The following ZNF804A variants were observed in gnomAD, a reference collection of about 807,000 sequenced individuals.
The protein encoded by ZNF804A is zinc finger protein 804A.
In ZNF804A, 2 loss-of-function variants were observed where a neutral mutation model predicts 16.5. The observed-to-expected ratio is 0.12, with a 90% CI of 0.05 to 0.38. The LOEUF (loss-of-function observed/expected upper bound fraction) is 0.38, where lower values mean the gene tolerates loss of function less well. ZNF804A is among the 10% of genes least tolerant of loss of function. The pLI is 0.99. For missense variants in ZNF804A, 1,473 were observed against 1,390.7 expected, an observed-to-expected ratio of 1.06 and a Z score of -0.94; for synonymous variants, 534 against 489.6, an observed-to-expected ratio of 1.09 and a Z score of -1.20.
At chr2:184,662,579 G>A (rs1309901877) in intron 1 of ZNF804A, among the ~76,000 whole-genome samples, 1 of 152,046 alleles carries the variant, frequency 6.6e-6, no homozygotes, top group Non-Finnish European at 1.5e-5. Flanking sequence ...TTTTAATTCA[G>A]GAAAATATTA....
chr2:184,878,338 G>A (rs182388149), intron 2 of ZNF804A, among the ~76,000 whole-genome samples: 77 of 152,102 alleles, frequency 5.1e-4, no homozygotes, highest in African/African-American at 1.8e-3. Context: ...CACAAAGCTC[G>A]GTTTGAGTCA....
chr2:184,619,741 A>G (rs916201787), intron 1 of ZNF804A, among the ~76,000 whole-genome samples: 1 of 151,888 alleles, frequency 6.6e-6, no homozygotes, highest in Non-Finnish European at 1.5e-5. Context: ...TTAGGTTGTG[A>G]TCTCATCACA....
At chr2:184,726,286 G>C (rs988568418) in intron 1 of ZNF804A, among the ~76,000 whole-genome samples, 1 of 151,472 alleles carries the variant, frequency 6.6e-6, no homozygotes, top group Non-Finnish European at 1.5e-5. Context: ...TTCAGCATTT[G>C]GTATTGTCAC....
intron 1 of ZNF804A, among the ~76,000 whole-genome samples, chr2:184,781,983 C>T (rs1003994300): frequency 2.6e-4 from 40 of 151,706 alleles, no homozygotes; most frequent in African/African-American, 9.4e-4. Context: ...ATGGCCATTT[C>T]TTCTTGTATC....
intron 1 of ZNF804A, among the ~76,000 whole-genome samples, chr2:184,694,944 G>T (rs1376113185): frequency 6.6e-6 from 1 of 152,086 alleles, no homozygotes; most frequent in Non-Finnish European, 1.5e-5. Flanking sequence ...CTATAAAGTT[G>T]GCCCCATCTT....
At chr2:184,838,206 T>C (rs1695383809) in intron 1 of ZNF804A, among the ~76,000 whole-genome samples, 1 of 152,082 alleles carries the variant, frequency 6.6e-6, no homozygotes, top group South Asian at 2.1e-4. Flanking sequence ...CAATCATGGA[T>C]TGTGTTCATT....
chr2:184,650,435 G>A (rs1428456327), intron 1 of ZNF804A, among the ~76,000 whole-genome samples: 3 of 152,064 alleles, frequency 2.0e-5, no homozygotes, highest in Admixed American at 2.0e-4. Flanking sequence ...CTCATATTCA[G>A]CATGGTAGTG....
chr2:184,824,679 G>T (rs948850128), intron 1 of ZNF804A, among the ~76,000 whole-genome samples: 2 of 152,042 alleles, frequency 1.3e-5, no homozygotes, highest in African/African-American at 4.8e-5. Context: ...TGGATTCTTT[G>T]GGCCTGTAAG....
At chr2:184,786,314 T>TA (rs1303282753) in intron 1 of ZNF804A, among the ~76,000 whole-genome samples, 1 of 152,074 alleles carries the variant, frequency 6.6e-6, no homozygotes, top group Non-Finnish European at 1.5e-5. Flanking sequence ...TTTCAGCTAT[T>TA]AAAAAAATTG....
intron 1 of ZNF804A, among the ~76,000 whole-genome samples, chr2:184,701,926 T>C (rs909440187): frequency 2.0e-5 from 3 of 152,004 alleles, no homozygotes; most frequent in African/African-American, 7.2e-5. Context: ...TTAATGATTA[T>C]TCATTTGATA....
intron 1 of ZNF804A, among the ~76,000 whole-genome samples, chr2:184,655,221 C>T (rs1692054796): frequency 3.9e-5 from 6 of 152,180 alleles, no homozygotes. Context: ...TTAGATATCA[C>T]TCCCCTTTCA....
At chr2:184,727,426 A>G (rs749817727) in intron 1 of ZNF804A, among the ~76,000 whole-genome samples, 1 of 151,682 alleles carries the variant, frequency 6.6e-6, no homozygotes, top group Non-Finnish European at 1.5e-5. Context: ...TCCTGCAGGA[A>G]TGAAATGGAC....
chr2:184,859,762 C>T (rs755411048), intron 1 of ZNF804A, among the ~76,000 whole-genome samples: 1 of 152,192 alleles, frequency 6.6e-6, no homozygotes, highest in Non-Finnish European at 1.5e-5. Flanking sequence ...GTCAGTCTGT[C>T]CAGAGATTCT....
intron 1 of ZNF804A, among the ~76,000 whole-genome samples, chr2:184,768,084 C>A (rs973042747): frequency 1.3e-5 from 2 of 151,792 alleles, no homozygotes; most frequent in African/African-American, 4.8e-5. Flanking sequence ...TCAACCAACC[C>A]GGATCAAAAT....
chr2:184,685,873 C>A (rs1049453934), intron 1 of ZNF804A, among the ~76,000 whole-genome samples: 3 of 152,222 alleles, frequency 2.0e-5, no homozygotes, highest in Non-Finnish European at 4.4e-5. Context: ...AACATCCAGT[C>A]CTTAGCGCCC....
At chr2:184,840,323 G>A (rs1226846079) in intron 1 of ZNF804A, among the ~76,000 whole-genome samples, 13 of 152,142 alleles carry the variant, frequency 8.5e-5, no homozygotes. Context: ...GGCGGATGAT[G>A]CAGCGAGCTG....
At chr2:184,930,604 G>C (rs994763510) in intron 2 of ZNF804A, among the ~76,000 whole-genome samples, 1 of 152,186 alleles carries the variant, frequency 6.6e-6, no homozygotes, top group Admixed American at 6.5e-5. Context: ...GCTACCTCAT[G>C]CTATGTTGGG....
intron 2 of ZNF804A, among the ~76,000 whole-genome samples, chr2:184,907,164 A>T (rs985305615): frequency 6.6e-6 from 1 of 152,204 alleles, no homozygotes; most frequent in South Asian, 2.1e-4. Flanking sequence ...CTTTTCATCT[A>T]TGAAACTGTG....
chr2:184,902,461 T>A (rs1391719648), intron 2 of ZNF804A: 1 of 152,432 alleles, frequency 6.6e-6, no homozygotes, highest in African/African-American at 2.4e-5. Flanking sequence ...CATCTTTATG[T>A]GTGCCTGTAG....
Sources: allele counts gnomAD v4.1 joint callset (sites outside exome capture counted in the v4.1 genomes callset), GRCh38; gene constraint gnomAD v4.1.1; transcripts MANE v1.5; gene names NCBI Gene and HGNC (gene_info 2026-07-23, HGNC 2026-07-21).